TTC23: variants seen among roughly 807,000 people sequenced by gnomAD.
The protein encoded by TTC23 is tetratricopeptide repeat protein 23.
TTC23 carries 58 observed loss-of-function variants against 55.1 expected under a neutral mutation model. The observed-to-expected ratio is 1.05, with a 90% CI of 0.85 to 1.31. TTC23 has a LOEUF of 1.31. TTC23 is among the 50% of genes most tolerant of loss of function. TTC23 has a pLI of 0.00. For synonymous variants in TTC23, 203 were observed against 199.9 expected (o/e 1.02, Z -0.13); for missense variants, 516 against 534.4 (o/e 0.97, Z 0.34).
At chr15:99,204,520 T>C (rs1220062553) in intron 8 of TTC23, among the ~76,000 whole-genome samples, 1 of 152,086 alleles carries the variant, frequency 6.6e-6, no homozygotes, top group Non-Finnish European at 1.5e-5. Flanking sequence ...TTTGCTTTGG[T>C]TGCCTACGTT....
rs200232010 is a variant in TTC23, at chr15:99,236,982, GT to G, written c.-113-1903del. ...ACAGGAGTCATCATTTCACTCCTAA[GT>G]TTTTTTTTTTTTTTTGAGACAGAGT... On this transcript the variant is annotated intron_variant, in intron 3 of 13. Coordinates refer to ENST00000394132, the MANE Select transcript of TTC23 (RefSeq NM_001288615.3). 2.8e-3 allele frequency among the ~76,000 whole-genome samples: 399 copies of G among 141,550 alleles called. 2 individuals are homozygous for G. The highest frequency in any genetic ancestry group is 8.6e-3 in the African/African-American group (332 of 38,522). 92.9% of individuals were successfully genotyped at this position (141,550 alleles called of 152,430 possible). A position where few individuals can be genotyped will look rare whatever the true frequency, so the allele number is the denominator to read the frequency against.
In TTC23 at chr15:99,138,148, G is replaced by A. The variant is rs76095473; in HGVS notation, c.1227-21C>T. On this transcript the variant is annotated intron_variant, in intron 13 of 13. Coordinates refer to ENST00000394132, the MANE Select transcript of TTC23 (RefSeq NM_001288615.3). ...GGGCCCTGCAGACAAGCAGAGGGTG[G>A]GGTGAGTGTGGTGCCCCTCAGCCCC... The A allele has an allele frequency of 1.8e-3, 2,959 of 1,610,890 alleles. 45 individuals are homozygous for A. The African/African-American group carries it at 0.034, about 19-fold the overall frequency.
chr15:99,202,919 G>T (rs758765779), intron 8 of TTC23, among the ~76,000 whole-genome samples: 2 of 152,220 alleles, frequency 1.3e-5, no homozygotes, highest in Non-Finnish European at 2.9e-5. Flanking sequence ...GTCCGTGAAA[G>T]TGCTTTGCAG....
chr15:99,250,269 C>T (rs894323463), upstream of TTC23, among the ~76,000 whole-genome samples: 7 of 152,130 alleles, frequency 4.6e-5, no homozygotes, highest in Non-Finnish European at 1.0e-4. Context: ...ATGCTGTATA[C>T]CTGAATAGCT....
intron 9 of TTC23, among the ~76,000 whole-genome samples, chr15:99,198,538 C>A (rs894672776): frequency 5.3e-5 from 8 of 152,220 alleles, no homozygotes. Context: ...ATGGTTGGCA[C>A]AACCTCCCCA....
At chr15:99,163,804 C>T (rs1215974007) in intron 10 of TTC23, among the ~76,000 whole-genome samples, 3 of 152,186 alleles carry the variant, frequency 2.0e-5, no homozygotes, top group African/African-American at 7.2e-5. Flanking sequence ...AGATAGCTGT[C>T]TATGAACCAG....
At position 99,139,340 on chromosome 15, in the gene TTC23, C is replaced by G; in HGVS notation, c.1203G>C (p.Gln401His). Residue 401 changes from glutamine (Q) to histidine (H), a missense_variant, in exon 13 of 14, where the codon CAG becomes CAC. Gln to His is a conservative substitution (Grantham distance 24, BLOSUM62 0). Transcript: ENST00000394132. Reference sequence around the variant, plus strand: ...ACGTGGACAGCATGCCCATGGCCTGCTGGGTGGCCAGAGTCCTTTTGTCCT... The same window carrying G: ...ACGTGGACAGCATGCCCATGGCCTGGTGGGTGGCCAGAGTCCTTTTGTCCT... ...GPQDKRTLATQQAMGMLSTAP... is the reference protein window; with the variant it reads ...GPQDKRTLATHQAMGMLSTAP... 1 of 1,613,606 alleles carries G rather than the reference C, an allele frequency of 6.2e-7. No individual in the cohort carries two copies.
At chr15:99,187,823 T>TA (rs1408235470) in intron 9 of TTC23, among the ~76,000 whole-genome samples, 4 of 151,976 alleles carry the variant, frequency 2.6e-5, no homozygotes, top group African/African-American at 9.7e-5. Context: ...TGACTGAAAT[T>TA]AAAAAAGACA....
rs76551941 is a variant in TTC23, at chr15:99,166,854, C to T, written c.866-4987G>A. On this transcript the variant is annotated intron_variant, in intron 10 of 13. Coordinates refer to ENST00000394132, the MANE Select transcript of TTC23 (RefSeq NM_001288615.3). ...GCATCTGTGAACTCAGGTTAGGACCCCTGTATATTAGAATGGCCTAGAGCT... is the reference window on the plus strand; with the variant it reads ...GCATCTGTGAACTCAGGTTAGGACCTCTGTATATTAGAATGGCCTAGAGCT... 8.5e-3 allele frequency among the ~76,000 whole-genome samples: 1,298 copies of T among 152,234 alleles called. 12 individuals carry two copies. The highest frequency in any genetic ancestry group is 0.014 in the Non-Finnish European group (939 of 68,012).
In TTC23 at chr15:99,136,853, G is replaced by A. The variant is rs189062245; in HGVS notation, c.*1157C>T. ...CATGGTCTGTGGGGTCAGCTGTCAC[G>A]CTCCTGAGGAAGACAATGGTCCCTG... On this transcript the variant is annotated 3_prime_UTR_variant, in exon 14 of 14. Coordinates refer to ENST00000394132, the MANE Select transcript of TTC23 (RefSeq NM_001288615.3). 1.7e-4 allele frequency: 26 copies of A among 152,414 alleles called. No homozygotes were observed. Among genetic ancestry groups the A allele is most frequent in the Non-Finnish European group, 2.8e-4 (19 of 68,118 alleles). The allele number at this position is 152,414 out of a possible 1,614,324, so 9.4% of individuals were successfully genotyped here. A position where few individuals can be genotyped will look rare whatever the true frequency, so the allele number is the denominator to read the frequency against.
intron 5 of TTC23, among the ~76,000 whole-genome samples, chr15:99,223,996 C>T (rs2078176191): frequency 1.3e-5 from 2 of 152,190 alleles, no homozygotes; most frequent in Admixed American, 6.5e-5. Context: ...AGGATGCACG[C>T]CCATCAATGT....
intron 9 of TTC23, among the ~76,000 whole-genome samples, chr15:99,177,539 C>A (rs1441873653): frequency 1.3e-5 from 2 of 152,134 alleles, no homozygotes; most frequent in African/African-American, 4.8e-5. Context: ...TACCCACACC[C>A]TCCGAAAAAA....
intron 12 of TTC23, chr15:99,155,885 T>G (rs1273117039): frequency 7.7e-6 from 4 of 521,862 alleles, no homozygotes; most frequent in Non-Finnish European, 1.4e-5. Flanking sequence ...CATAAAGGAC[T>G]GATCAATTGT....
At chr15:99,148,359 CCAAAAAAAA>C (rs2069222919) in intron 12 of TTC23, among the ~76,000 whole-genome samples, 2 of 1,040 alleles carry the variant, frequency 1.9e-3, no homozygotes, top group Admixed American at 0.013. Context: ...AGACTCTGTA[CCAAAAAAAA>C]AAAAAAAAAA....
At chr15:99,211,841 C>T (rs1389462130) in intron 8 of TTC23, among the ~76,000 whole-genome samples, 5 of 152,174 alleles carry the variant, frequency 3.3e-5, no homozygotes, top group African/African-American at 4.8e-5. Context: ...GAACCCAGGG[C>T]TTCTGACTCC....
At chr15:99,156,417 T>C in intron 11 of TTC23, 120 bp from the exon 12 acceptor site, 1 of 1,178,664 alleles carries the variant, frequency 8.5e-7, no homozygotes, top group South Asian at 1.4e-5. Flanking sequence ...TGTTCTCCTC[T>C]TGTATTAGTC....
In TTC23 at chr15:99,137,870, T is replaced by C; in HGVS notation, c.*140A>G. ...GCCCACGGGAGGCTTATGGTCTCAC[T>C]GTTGCATGTTGGGGCCAACAGTTGG... is the stretch of plus-strand genomic sequence containing the variant. On this transcript the variant is annotated 3_prime_UTR_variant, in exon 14 of 14. Transcript: ENST00000394132. The C allele has an allele frequency of 7.3e-7, 1 of 1,372,450 alleles. No homozygotes were observed. The highest frequency in any genetic ancestry group is 1.4e-5 in the South Asian group (1 of 71,866). 85.0% of individuals were successfully genotyped at this position (1,372,450 alleles called of 1,614,324 possible).
intron 2 of TTC23, among the ~76,000 whole-genome samples, chr15:99,242,457 A>T (rs1223950): frequency 0.85 from 128,569 of 152,144 alleles, 54,698 homozygotes; most frequent in African/African-American, 0.96. Flanking sequence ...GAAAACTCTA[A>T]CAGAAGATAG....
intron 12 of TTC23, chr15:99,148,580 T>C (rs1258921930): frequency 1.3e-5 from 2 of 152,070 alleles, no homozygotes; most frequent in East Asian, 1.9e-4. Flanking sequence ...CTGCTGAAGA[T>C]AGTACCTAAT....
Sources: gnomAD v4.1 joint callset for allele counts (sites outside exome capture counted in the v4.1 genomes callset) on GRCh38, gnomAD v4.1.1 for gene constraint, MANE v1.5 for transcripts, NCBI Gene and HGNC (gene_info 2026-07-23, HGNC 2026-07-21) for gene names.